The following ENOX2 variants were observed in gnomAD, a reference collection of about 807,000 sequenced individuals.
The protein encoded by ENOX2 is APK1 antigen.
A neutral mutation model predicts 45.0 loss-of-function variants in ENOX2; 36 were observed. The observed-to-expected ratio is 0.80, with a 90% CI of 0.61 to 1.06. ENOX2 has a LOEUF of 1.06. Among genes scored for constraint, ENOX2 ranks in the 50% least tolerant of loss-of-function variants. ENOX2 has a pLI of 0.00. For synonymous variants in ENOX2, 174 were observed against 152.3 expected (o/e 1.14, Z -1.05); for missense variants, 423 against 462.5 (o/e 0.91, Z 0.78).
chrX:130,637,315 C>T lies in ENOX2; in HGVS notation c.1225G>A (p.Glu409Lys), dbSNP rs757493829. Residue 409 changes from glutamate (E) to lysine (K), a missense_variant, in exon 11 of 15, where the codon GAA (glutamate) becomes AAA (lysine). Transcript: ENST00000394363. ...TCTTCTCTGTGGACTTTGCCTTGTT[C>T]TTGCTTGAGCAGTTCTACTTCATTC... is the stretch of plus-strand genomic sequence containing the variant. The part of the protein sequence containing the change: ...YRNEVELLKQ[E>K]QGKVHREDDP... 1 of 1,210,981 alleles carries T rather than the reference C, an allele frequency of 8.3e-7. No individual in the cohort carries two copies. Among genetic ancestry groups the T allele is most frequent in the Non-Finnish European group, 1.1e-6 (1 of 894,793 alleles).
chrX:130,759,577 CAAAAAAAAAAA>C (rs753411112), intron 3 of ENOX2, among the ~76,000 whole-genome samples: 7 of 19,940 alleles, frequency 3.5e-4, no homozygotes, highest in Middle Eastern at 0.026. Context: ...GACTATGTAC[CAAAAAAAAAAA>C]AAAAAAAAAA....
At chrX:130,735,628 T>C (rs904812176) in intron 3 of ENOX2, among the ~76,000 whole-genome samples, 1 of 112,431 alleles carries the variant, frequency 8.9e-6, no homozygotes, top group Admixed American at 9.4e-5. Context: ...TGGAAAAGAA[T>C]ATTAAAAAAT....
intron 3 of ENOX2, among the ~76,000 whole-genome samples, chrX:130,737,914 G>A: frequency 8.9e-6 from 1 of 111,874 alleles, no homozygotes; most frequent in Non-Finnish European, 1.9e-5. Flanking sequence ...GCTGGAGGAT[G>A]GAGTCAAGAT....
chrX:130,802,873 T>C (rs999460433), intron 2 of ENOX2, among the ~76,000 whole-genome samples: 3 of 112,494 alleles, frequency 2.7e-5, no homozygotes, highest in Non-Finnish European at 5.6e-5. Flanking sequence ...AAACTGAACA[T>C]TGATTAAGCT....
At chrX:130,709,351 G>A (rs1053479843) in intron 3 of ENOX2, 3 of 1,032,579 alleles carry the variant, frequency 2.9e-6, no homozygotes, top group Non-Finnish European at 4.1e-6. Flanking sequence ...GAAGATAGTA[G>A]TCTCAGCTGG....
intron 4 of ENOX2, among the ~76,000 whole-genome samples, chrX:130,697,779 C>T (rs769570954): frequency 8.9e-6 from 1 of 111,927 alleles, no homozygotes; most frequent in South Asian, 3.7e-4. Context: ...GAGTCTTTTC[C>T]TTTTCTTTTT....
chrX:130,877,330 G>A (rs1461974747), intron 2 of ENOX2, among the ~76,000 whole-genome samples: 2 of 111,786 alleles, frequency 1.8e-5, no homozygotes, highest in East Asian at 2.8e-4. Flanking sequence ...GTAGCATTTC[G>A]TAAATGTTAG....
chrX:130,788,667 C>T (rs1390405755), intron 2 of ENOX2, among the ~76,000 whole-genome samples: 1 of 112,011 alleles, frequency 8.9e-6, no homozygotes, highest in Admixed American at 9.5e-5. Flanking sequence ...AGATAACTAA[C>T]AAAGTCAGAA....
intron 4 of ENOX2, among the ~76,000 whole-genome samples, chrX:130,701,834 T>C (rs767508238): frequency 1.8e-5 from 2 of 112,389 alleles, no homozygotes; most frequent in Admixed American, 9.4e-5. Flanking sequence ...AAAGGATGTT[T>C]GGTTGTTCAT....
intron 3 of ENOX2, among the ~76,000 whole-genome samples, chrX:130,719,299 G>A (rs1375931618): frequency 9.0e-6 from 1 of 110,975 alleles, no homozygotes; most frequent in Non-Finnish European, 1.9e-5. Flanking sequence ...TGAAGGAAGA[G>A]ATTCAAACAA....
At chrX:130,668,078 A>T (rs776877188) in intron 7 of ENOX2, among the ~76,000 whole-genome samples, 1,033 of 102,794 alleles carry the variant, frequency 0.01, 10 homozygotes, top group African/African-American at 0.013. Context: ...TGTGTGTGTG[A>T]GAGAGAGAGA....
At chrX:130,868,123 C>G (rs1302255966) in intron 2 of ENOX2, among the ~76,000 whole-genome samples, 1 of 111,374 alleles carries the variant, frequency 9.0e-6, no homozygotes, top group African/African-American at 3.3e-5. Flanking sequence ...TTGGAAGAGT[C>G]TGGCAATTCC....
chrX:130,768,816 G>C (rs2039674298), intron 3 of ENOX2, among the ~76,000 whole-genome samples: 1 of 111,930 alleles, frequency 8.9e-6, no homozygotes, highest in East Asian at 2.8e-4. Flanking sequence ...GTGTTGTGGG[G>C]AGGGCAGAGA....
chrX:130,823,227 G>A (rs2077651274), intron 2 of ENOX2, among the ~76,000 whole-genome samples: 2 of 111,668 alleles, frequency 1.8e-5, no homozygotes, highest in Admixed American at 9.5e-5. Flanking sequence ...AGATAATCAG[G>A]AAAAATAAAT....
At chrX:130,840,873 C>T (rs1029527025) in intron 2 of ENOX2, among the ~76,000 whole-genome samples, 1 of 111,598 alleles carries the variant, frequency 9.0e-6, no homozygotes, top group African/African-American at 3.3e-5. Context: ...TCTCAAAAAA[C>T]AAACAAACAA....
At chrX:130,819,848 A>C (rs1025757582) in intron 2 of ENOX2, among the ~76,000 whole-genome samples, 3 of 111,700 alleles carry the variant, frequency 2.7e-5, no homozygotes, top group South Asian at 3.8e-4. Context: ...GTATCCCAGA[A>C]CTTAAAGTAT....
intron 12 of ENOX2, among the ~76,000 whole-genome samples, chrX:130,633,830 C>G (rs941117068): frequency 8.9e-6 from 1 of 112,113 alleles, no homozygotes; most frequent in African/African-American, 3.2e-5. Context: ...TTAGAAGCCC[C>G]GATGGCATGA....
At chrX:130,864,591 CTAT>C (rs1291173503) in intron 2 of ENOX2, among the ~76,000 whole-genome samples, 5 of 112,299 alleles carry the variant, frequency 4.5e-5, no homozygotes, top group Non-Finnish European at 7.5e-5. Context: ...ATAGTCATTG[CTAT>C]GTAAGTAGTT....
chrX:130,754,092 G>A lies in ENOX2; in HGVS notation c.-39+29455C>T, dbSNP rs1406970830. Among the ~76,000 whole-genome samples, 5 of 112,051 alleles carry A rather than the reference G, an allele frequency of 4.5e-5. No homozygotes were observed. The South Asian group carries it at 1.9e-3, about 42-fold the overall frequency. On this transcript the variant is annotated intron_variant, in intron 3 of 14. Coordinates refer to ENST00000394363, the MANE Select transcript of ENOX2 (RefSeq NM_006375.4). ...ACAAATAATAAATGTTTGAGGTGATGAGTATGCTAATTACTCTGCTTAGAT... is the reference window on the plus strand; with the variant it reads ...ACAAATAATAAATGTTTGAGGTGATAAGTATGCTAATTACTCTGCTTAGAT...
Sources: allele counts gnomAD v4.1 joint callset (sites outside exome capture counted in the v4.1 genomes callset), GRCh38; gene constraint gnomAD v4.1.1; transcripts MANE v1.5; gene names NCBI Gene and HGNC (gene_info 2026-07-23, HGNC 2026-07-21).